Variants in KAZN observed in about 807,000 individuals in gnomAD.
KAZN encodes kazrin, periplakin interacting protein, also known as kazrin.
KAZN carries 40 observed loss-of-function variants against 87.4 expected under a neutral mutation model. The observed-to-expected ratio is 0.46, with a 90% CI of 0.36 to 0.60. KAZN has a LOEUF of 0.60. Among genes scored for constraint, KAZN ranks in the 20% least tolerant of loss-of-function variants. The pLI is 0.00. For missense variants in KAZN, 898 were observed against 1,073.9 expected (o/e 0.84, Z 2.29); for synonymous variants, 466 against 458.3 (o/e 1.02, Z -0.22).
At chr1:14,223,247 A>T (rs1647148117) in intron 2 of KAZN, 1 of 152,236 alleles carries the variant, frequency 6.6e-6, no homozygotes, top group African/African-American at 2.4e-5. Flanking sequence ...TTGCTGAAAC[A>T]AAGATGGCAG....
chr1:14,102,691 G>A (rs1221519268), intron 1 of KAZN, among the ~76,000 whole-genome samples: 5 of 152,196 alleles, frequency 3.3e-5, no homozygotes, highest in Admixed American at 1.3e-4. Context: ...GTGCATCCCC[G>A]TGTATTAGCT....
chr1:14,360,055 C>A (rs1659376184), intron 2 of KAZN, among the ~76,000 whole-genome samples: 1 of 152,190 alleles, frequency 6.6e-6, no homozygotes, highest in South Asian at 2.1e-4. Flanking sequence ...GTTCCATTCT[C>A]CCCTTCACTT....
At chr1:14,081,169 G>A (rs1334328921) in intron 1 of KAZN, among the ~76,000 whole-genome samples, 1 of 150,378 alleles carries the variant, frequency 6.6e-6, no homozygotes, top group Non-Finnish European at 1.5e-5. Flanking sequence ...TCCTTTGTTT[G>A]CTTTATTAAG....
chr1:14,205,574 A>C (rs928512000), intron 2 of KAZN, among the ~76,000 whole-genome samples: 3 of 152,090 alleles, frequency 2.0e-5, no homozygotes, highest in Admixed American at 2.0e-4. Flanking sequence ...GCGAAAACAC[A>C]TCCTGTTGGT....
intron 1 of KAZN, among the ~76,000 whole-genome samples, chr1:14,905,141 C>T (rs1656372082): frequency 6.6e-6 from 1 of 152,176 alleles, no homozygotes; most frequent in African/African-American, 2.4e-5. Context: ...TCCCTGCAAC[C>T]TCTGCCTTCT....
rs545860804 is a variant in KAZN at position 13,962,188 on chromosome 1, C to T, written c.91+68432C>T. Among the ~76,000 whole-genome samples the T allele has an allele frequency of 5.8e-4, 88 of 152,048 alleles. 1 individual carries two copies. The highest frequency in any genetic ancestry group is 1.7e-3 in the African/African-American group (72 of 41,472). ...TCTGAGCTGTGGGAACAGCCTGTGCCGGGGCTCTGGGCTGGGTACTTGAGG... is the reference window on the plus strand; with the variant it reads ...TCTGAGCTGTGGGAACAGCCTGTGCTGGGGCTCTGGGCTGGGTACTTGAGG... On this transcript the variant is annotated intron_variant, in intron 1 of 16. Coordinates refer to the KAZN transcript ENST00000636203.
Position 15,056,156 on chromosome 1 carries a change from C to T in KAZN, c.792C>T (p.Gly264=), listed in dbSNP as rs765292500. ...VPKRHSLAMP[G]ETVLNGNQEW... ...AGCGGCATTCCCTCGCCATGCCGGG[C>T]GAGACGGTGCTCAATGGCAACCAGG... The change falls in exon 5 of 15, where the codon GGC becomes GGT. Residue 264 remains glycine (G), a synonymous_variant. Transcript: ENST00000376030. The surrounding 1 kb of genome is among the most constrained non-coding windows in gnomAD (Gnocchi z 5.4). 27 of 1,614,056 alleles carry T rather than the reference C, an allele frequency of 1.7e-5. No homozygotes were observed. The highest frequency in any genetic ancestry group is 2.2e-5 in the South Asian group (2 of 91,092).
At chr1:14,155,259 G>C (rs931070117) in intron 1 of KAZN, among the ~76,000 whole-genome samples, 1 of 152,064 alleles carries the variant, frequency 6.6e-6, no homozygotes, top group African/African-American at 2.4e-5. Context: ...GTTCAATCTT[G>C]GTAGGTTGTA....
At chr1:13,917,094 GCA>G (rs913890663) in intron 1 of KAZN, among the ~76,000 whole-genome samples, 3 of 151,080 alleles carry the variant, frequency 2.0e-5, no homozygotes, top group African/African-American at 7.4e-5. Context: ...GTGTGTGTGT[GCA>G]CACGTGCATG....
intron 2 of KAZN, among the ~76,000 whole-genome samples, chr1:14,403,562 TAAGAA>T (rs1409365944): frequency 6.6e-6 from 1 of 151,848 alleles, no homozygotes; most frequent in African/African-American, 2.4e-5. Context: ...TCAACATCAA[TAAGAA>T]AAGGACAAAG....
At chr1:14,435,833 A>C (rs1019012719) in intron 2 of KAZN, among the ~76,000 whole-genome samples, 9 of 151,230 alleles carry the variant, frequency 6.0e-5, no homozygotes, top group Non-Finnish European at 8.8e-5. Context: ...ATGATATCTT[A>C]GAATGGGGAT....
intron 2 of KAZN, among the ~76,000 whole-genome samples, chr1:14,420,918 A>ACCTCCCCTCCACACCTCCCCTCCACC: frequency 1.7e-5 from 2 of 117,910 alleles, no homozygotes; most frequent in African/African-American, 3.0e-5. Flanking sequence ...TCCCCTCCAC[A>ACCTCCCCTCCACACCTCCCCTCCACC]CCTCCCCGCA....
Position 14,092,492 on chromosome 1 carries a change from T to C in KAZN, c.92-87943T>C, listed in dbSNP as rs1056573269. On this transcript the variant is annotated intron_variant, in intron 1 of 16. Coordinates refer to the KAZN transcript ENST00000636203. The stretch of plus-strand genomic sequence containing the variant: ...TATATACACACACACAACACACACA[T>C]ATTTTCACATGTGTACCACTGCATG... 2.4e-4 allele frequency among the ~76,000 whole-genome samples: 36 copies of C among 151,002 alleles called. 1 individual carries two copies. Among genetic ancestry groups the C allele is most frequent in the African/African-American group, 7.3e-4 (30 of 41,270 alleles).
At chr1:14,271,368 G>A (rs1651913330) in intron 2 of KAZN, among the ~76,000 whole-genome samples, 1 of 152,220 alleles carries the variant, frequency 6.6e-6, no homozygotes, top group Admixed American at 6.5e-5. Flanking sequence ...TATACACTGT[G>A]AGGCTGTGAA....
chr1:14,503,449 T>A (rs10803283), intron 2 of KAZN, among the ~76,000 whole-genome samples: 119,490 of 150,080 alleles, frequency 0.8, 47,812 homozygotes, highest in South Asian at 0.84. Context: ...ACGCCACTGC[T>A]CTCCAGCCTG....
intron 1 of KAZN, among the ~76,000 whole-genome samples, chr1:14,861,384 A>C (rs767522592): frequency 6.6e-5 from 10 of 152,222 alleles, no homozygotes; most frequent in Non-Finnish European, 1.5e-4. Flanking sequence ...GTCTCAAAAA[A>C]AATAAAGCAA....
intron 1 of KAZN, among the ~76,000 whole-genome samples, chr1:14,028,769 C>T (rs1308069596): frequency 6.6e-6 from 1 of 152,112 alleles, no homozygotes; most frequent in Admixed American, 6.5e-5. Flanking sequence ...AGATGATTTC[C>T]AATTTCATCC....
chr1:13,918,272 A>C (rs1465013455), intron 1 of KAZN, among the ~76,000 whole-genome samples: 1 of 152,226 alleles, frequency 6.6e-6, no homozygotes, highest in Non-Finnish European at 1.5e-5. Flanking sequence ...ATCAGCATTA[A>C]CGGGAGTTTG....
In KAZN at chr1:14,762,724, C is replaced by CA. The variant is rs1454159718; in HGVS notation, c.226+163514dup. ...TGGGTGACAGAGCAAGACTCTGTCT[C>CA]AAAAAAAAAAAAAGAAAGAAGAAGA... On this transcript the variant is annotated intron_variant, in intron 1 of 14. Transcript: ENST00000376030. Among the ~76,000 whole-genome samples the CA allele has an allele frequency of 8.2e-3, 994 of 121,026 alleles. 10 individuals carry two copies. The highest frequency in any genetic ancestry group is 0.024 in the African/African-American group (781 of 32,602). The allele number at this position is 121,026 out of a possible 152,430, so 79.4% of individuals were successfully genotyped here.
Sources: allele counts gnomAD v4.1 joint callset (sites outside exome capture counted in the v4.1 genomes callset), GRCh38; gene constraint gnomAD v4.1.1; non-coding constraint Gnocchi (gnomAD v3.1); transcripts MANE v1.5; gene names NCBI Gene and HGNC (gene_info 2026-07-23, HGNC 2026-07-21).